EDAR: variants seen among roughly 807,000 people sequenced by gnomAD.
The protein encoded by EDAR is tumor necrosis factor receptor superfamily member EDAR.
EDAR carries 38 observed loss-of-function variants against 51.3 expected under a neutral mutation model. That is an observed-to-expected ratio of 0.74 (90% CI 0.57 to 0.97). The LOEUF is 0.97. Ranked by LOEUF, EDAR falls within the 50% of genes least tolerant of loss-of-function variation. The pLI is 0.00. For missense variants in EDAR, 528 were observed against 595.0 expected (o/e 0.89, Z 1.17); for synonymous variants, 227 against 242.1 (o/e 0.94, Z 0.58).
At position 108,988,992 on chromosome 2, in the gene EDAR, G is replaced by A. The variant is rs1698545361; in HGVS notation, c.-51C>T. The A allele has an allele frequency of 6.6e-6, 1 of 152,264 alleles. No individual in the cohort carries two copies. Among genetic ancestry groups the A allele is most frequent in the African/African-American group, 2.4e-5 (1 of 41,448 alleles). The allele number at this position is 152,264 out of a possible 1,614,324, so 9.4% of individuals were successfully genotyped here. On this transcript the variant is annotated 5_prime_UTR_variant, in exon 1 of 12. Coordinates refer to ENST00000258443, the MANE Select transcript of EDAR (RefSeq NM_022336.4). ...CTGTTGGAGGTCAGCTTCAGTCCCA[G>A]CAGAAGATGGGTCTATGAAGAAAGT... is the stretch of plus-strand genomic sequence containing the variant.
At chr2:108,898,853 G>A (rs1182320625) in intron 11 of EDAR, among the ~76,000 whole-genome samples, 5 of 152,190 alleles carry the variant, frequency 3.3e-5, no homozygotes, top group African/African-American at 4.8e-5. Flanking sequence ...CAGTGAGATG[G>A]ATAATGGAAA....
chr2:108,968,624 C>A (rs1466362593), intron 1 of EDAR, among the ~76,000 whole-genome samples: 3 of 152,244 alleles, frequency 2.0e-5, no homozygotes, highest in Non-Finnish European at 4.4e-5. Flanking sequence ...GTTCTCTTTT[C>A]TTCCTAGCTA....
chr2:108,932,405 T>A (rs1697383099), intron 1 of EDAR, among the ~76,000 whole-genome samples: 1 of 151,480 alleles, frequency 6.6e-6, no homozygotes, highest in African/African-American at 2.4e-5. Flanking sequence ...GGTGGGCACC[T>A]GTAGTCCCAG....
chr2:108,963,213 T>C (rs1698086771), intron 1 of EDAR, among the ~76,000 whole-genome samples: 1 of 152,194 alleles, frequency 6.6e-6, no homozygotes, highest in Non-Finnish European at 1.5e-5. Flanking sequence ...TTTTACATGA[T>C]GTATTCTTAT....
At chr2:108,924,614 C>T (rs753849138) in intron 4 of EDAR, among the ~76,000 whole-genome samples, 1 of 152,174 alleles carries the variant, frequency 6.6e-6, no homozygotes, top group Non-Finnish European at 1.5e-5. Context: ...CAGCCTGGCA[C>T]GGGGGTCTGT....
At chr2:108,919,090 T>G (rs1465364085) in intron 5 of EDAR, among the ~76,000 whole-genome samples, 1 of 152,080 alleles carries the variant, frequency 6.6e-6, no homozygotes, top group Non-Finnish European at 1.5e-5. Context: ...TGCAGTCAGG[T>G]CTGAGAGGCT....
At chr2:108,918,488 G>C (rs977706645) in intron 5 of EDAR, among the ~76,000 whole-genome samples, 1 of 152,180 alleles carries the variant, frequency 6.6e-6, no homozygotes, top group East Asian at 1.9e-4. Context: ...CCTGAGTTTC[G>C]AATAAGCAAG....
chr2:108,930,440 G>T (rs1202380097), intron 2 of EDAR, among the ~76,000 whole-genome samples, 198 bp from the exon 3 acceptor site: 1 of 151,994 alleles, frequency 6.6e-6, no homozygotes, highest in African/African-American at 2.4e-5. Context: ...ACCTGGGCAC[G>T]GCCAGCCCCC....
chr2:108,913,662 A>G (rs895730403), intron 5 of EDAR, among the ~76,000 whole-genome samples: 1 of 152,282 alleles, frequency 6.6e-6, no homozygotes, highest in East Asian at 1.9e-4. Context: ...ATAAAAGTGT[A>G]TGCGATAGCT....
At chr2:108,968,617 C>T (rs1030038307) in intron 1 of EDAR, among the ~76,000 whole-genome samples, 1 of 152,230 alleles carries the variant, frequency 6.6e-6, no homozygotes, top group African/African-American at 2.4e-5. Flanking sequence ...GCATGGTGTT[C>T]TCTTTTCTTC....
chr2:108,908,099 C>T, intron 9 of EDAR, 80 bp from the exon 10 acceptor site: 1 of 1,469,068 alleles, frequency 6.8e-7, no homozygotes, highest in East Asian at 2.4e-5. Flanking sequence ...GTGAACTTGT[C>T]CATTGCCCAG....
At chr2:108,956,067 A>G (rs1169409112) in intron 1 of EDAR, among the ~76,000 whole-genome samples, 1 of 151,962 alleles carries the variant, frequency 6.6e-6, no homozygotes, top group African/African-American at 2.4e-5. Flanking sequence ...AGATTAAAAC[A>G]CTGTTCGGGC....
chr2:108,899,084 C>T (rs1696654452), intron 11 of EDAR, among the ~76,000 whole-genome samples: 1 of 152,120 alleles, frequency 6.6e-6, no homozygotes, highest in Non-Finnish European at 1.5e-5. Context: ...TAAGCAAATC[C>T]CAAACAGGAT....
chr2:108,968,764 C>A (rs1286205928), intron 1 of EDAR, among the ~76,000 whole-genome samples: 1 of 152,192 alleles, frequency 6.6e-6, no homozygotes, highest in Non-Finnish European at 1.5e-5. Flanking sequence ...GAAATAAGGT[C>A]ATGTGGAAGG....
At chr2:108,951,409 C>T (rs1420663687) in intron 1 of EDAR, among the ~76,000 whole-genome samples, 2 of 152,138 alleles carry the variant, frequency 1.3e-5, no homozygotes, top group Non-Finnish European at 2.9e-5. Flanking sequence ...GGAATTCGAC[C>T]AGAAAGGCCA....
At chr2:108,982,279 C>A (rs764182386) in intron 1 of EDAR, among the ~76,000 whole-genome samples, 9 of 152,232 alleles carry the variant, frequency 5.9e-5, no homozygotes, top group Admixed American at 5.9e-4. Context: ...CCAGCCCACA[C>A]TGGGAGAGCT....
chr2:108,896,895 C>T lies in EDAR; in HGVS notation c.*12G>A. ...TGGCTTGTCCTGGGAGGACAGCCCA[C>T]AGGCATGCTTTTCAGGATGCAGCAT... On this transcript the variant is annotated 3_prime_UTR_variant, in exon 12 of 12. Transcript: ENST00000258443. 1.2e-6 allele frequency: 2 copies of T among 1,607,758 alleles called. No individual in the cohort carries two copies. The highest frequency in any genetic ancestry group is 1.7e-6 in the Non-Finnish European group (2 of 1,177,224).
At chr2:108,933,827 T>G (rs1360764200) in intron 1 of EDAR, among the ~76,000 whole-genome samples, 1 of 151,560 alleles carries the variant, frequency 6.6e-6, no homozygotes, top group Non-Finnish European at 1.5e-5. Context: ...GAGGGTTGGG[T>G]GCAAGCAAAG....
Position 108,953,906 on chromosome 2 carries a change from C to T in EDAR, c.-18-22874G>A, listed in dbSNP as rs572391888. On this transcript the variant is annotated intron_variant, in intron 1 of 11. Coordinates refer to ENST00000258443, the MANE Select transcript of EDAR (RefSeq NM_022336.4). ...TCAGAGGGATCAAGAATATGGATATCCTTTGAAATAATGTTTTTCTACATA... is the reference window on the plus strand; with the variant it reads ...TCAGAGGGATCAAGAATATGGATATTCTTTGAAATAATGTTTTTCTACATA... 3.2e-4 allele frequency among the ~76,000 whole-genome samples: 49 copies of T among 152,212 alleles called. No individual in the cohort carries two copies. The South Asian group carries it at 7.7e-3, about 24-fold the overall frequency.
Sources: allele counts gnomAD v4.1 joint callset (sites outside exome capture counted in the v4.1 genomes callset), GRCh38; gene constraint gnomAD v4.1.1; transcripts MANE v1.5; gene names NCBI Gene and HGNC (gene_info 2026-07-23, HGNC 2026-07-21).